Variants in ZBTB16 observed in about 807,000 individuals in gnomAD.
The protein encoded by ZBTB16 is zinc finger and BTB domain-containing protein 16.
A neutral mutation model predicts 56.8 loss-of-function variants in ZBTB16; 8 were observed. The observed-to-expected ratio is 0.14, with a 90% CI of 0.08 to 0.25. The LOEUF is 0.25. Ranked by LOEUF, ZBTB16 falls within the 10% of genes least tolerant of loss-of-function variation. The pLI, the probability that ZBTB16 is intolerant of heterozygous loss-of-function variation, is 1.00. For missense variants in ZBTB16, 625 were observed against 903.0 expected, an observed-to-expected ratio of 0.69 and a Z score of 3.95; for synonymous variants, 363 against 368.5, an observed-to-expected ratio of 0.98 and a Z score of 0.17.
At chr11:114,171,588 AG>A (rs1251485318) in intron 3 of ZBTB16, among the ~76,000 whole-genome samples, 1 of 152,196 alleles carries the variant, frequency 6.6e-6, no homozygotes, top group Non-Finnish European at 1.5e-5. Context: ...CCAAGGTGAC[AG>A]GAAGAGTCAT....
intron 2 of ZBTB16, among the ~76,000 whole-genome samples, chr11:114,124,790 C>T (rs554949620): frequency 1.3e-5 from 2 of 152,346 alleles, no homozygotes; most frequent in African/African-American, 4.8e-5. Flanking sequence ...CAGCCTCTCA[C>T]TTGCTCTCAT....
chr11:114,227,342 G>A (rs1480814891), intron 4 of ZBTB16, among the ~76,000 whole-genome samples: 1 of 152,206 alleles, frequency 6.6e-6, no homozygotes, highest in East Asian at 1.9e-4. Context: ...AGACAGGGGA[G>A]GATGTCATGC....
chr11:114,083,219 T>G (rs964596227), intron 2 of ZBTB16, among the ~76,000 whole-genome samples: 1 of 152,210 alleles, frequency 6.6e-6, no homozygotes, highest in African/African-American at 2.4e-5. Flanking sequence ...TTCTCTTTTC[T>G]TTGTCTTTTT....
chr11:114,106,253 C>T (rs938091702), intron 2 of ZBTB16, among the ~76,000 whole-genome samples: 2 of 152,150 alleles, frequency 1.3e-5, no homozygotes, highest in African/African-American at 4.8e-5. Flanking sequence ...AAAGAGACTA[C>T]TCATCCCTTC....
Position 114,060,495 on chromosome 11 carries a change from C to T in ZBTB16, c.-91+613C>T, listed in dbSNP as rs527865486. On this transcript the variant is annotated intron_variant, in intron 1 of 6. Coordinates refer to ENST00000335953, the MANE Select transcript of ZBTB16 (RefSeq NM_006006.6). The surrounding 1 kb of genome is among the most constrained non-coding windows in gnomAD (Gnocchi z 6.0). ...TTTTGCAGGGGAGGGAGGGAAGCTCCAGAGGGTCTGCAGCGCTGCGGGCCC... is the reference window on the plus strand; with the variant it reads ...TTTTGCAGGGGAGGGAGGGAAGCTCTAGAGGGTCTGCAGCGCTGCGGGCCC... 11 of 152,100 alleles carry T rather than the reference C, an allele frequency of 7.2e-5. No individual in the cohort carries two copies. The South Asian group carries it at 1.2e-3, about 17-fold the overall frequency. The allele number at this position is 152,100 out of a possible 1,614,324, so 9.4% of individuals were successfully genotyped here.
chr11:114,060,535 C>G lies in ZBTB16; in HGVS notation c.-91+653C>G, dbSNP rs186869677. ...GCTGCGGGCCCTCCTCGGCTCTCGG[C>G]GGGACCGGCGGTGACACCGGAGCTC... On this transcript the variant is annotated intron_variant, in intron 1 of 6. Transcript: ENST00000335953. The surrounding 1 kb of genome is among the most constrained non-coding windows in gnomAD (Gnocchi z 6.0). The G allele has an allele frequency of 6.6e-6, 1 of 152,060 alleles. No individual in the cohort carries two copies. The highest frequency in any genetic ancestry group is 1.5e-5 in the Non-Finnish European group (1 of 67,974). The allele number at this position is 152,060 out of a possible 1,614,324, so 9.4% of individuals were successfully genotyped here.
intron 4 of ZBTB16, among the ~76,000 whole-genome samples, chr11:114,192,697 G>T (rs959472059): frequency 6.6e-6 from 1 of 152,152 alleles, no homozygotes; most frequent in African/African-American, 2.4e-5. Flanking sequence ...ACCTGGCTAG[G>T]TTATTTTGCC....
intron 4 of ZBTB16, among the ~76,000 whole-genome samples, chr11:114,220,152 G>T (rs908692403): frequency 6.6e-6 from 1 of 152,218 alleles, no homozygotes; most frequent in South Asian, 2.1e-4. Flanking sequence ...TAATAGGCTG[G>T]TCATTCAGAT....
intron 4 of ZBTB16, among the ~76,000 whole-genome samples, chr11:114,235,632 T>C (rs1406388408): frequency 5.5e-5 from 1 of 18,346 alleles, no homozygotes; most frequent in Non-Finnish European, 1.8e-4. Context: ...CTCCCTTCCT[T>C]TCTTTCTTTC....
intron 6 of ZBTB16, among the ~76,000 whole-genome samples, chr11:114,248,604 G>C (rs894586738): frequency 6.6e-6 from 1 of 152,200 alleles, no homozygotes; most frequent in South Asian, 2.1e-4. Flanking sequence ...AAGGGGGAGA[G>C]GTGGCTTCAG....
chr11:114,250,573 T>G lies in ZBTB16; in HGVS notation c.*18T>G, dbSNP rs767542589. The G allele has an allele frequency of 6.2e-7, 1 of 1,611,316 alleles. No individual in the cohort carries two copies. The highest frequency in any genetic ancestry group is 8.5e-7 in the Non-Finnish European group (1 of 1,179,122). ...ATGTGTGAAGGGAGGCCCGCGGCGG[T>G]GGAGCCGAGCGGGGAGCCAGGAAAG... On this transcript the variant is annotated 3_prime_UTR_variant, in exon 7 of 7. Transcript: ENST00000335953. This position sits in a 1 kb window ranked among gnomAD's most constrained non-coding sequence, Gnocchi z 6.0.
At position 114,255,463 on chromosome 11, in the gene ZBTB16, C is replaced by T. The variant is rs1174697463; in HGVS notation, c.*4908C>T. Among the ~76,000 whole-genome samples, 2 of 151,408 alleles carry T rather than the reference C, an allele frequency of 1.3e-5. No individual in the cohort carries two copies. Among genetic ancestry groups the T allele is most frequent in the Non-Finnish European group, 2.9e-5 (2 of 67,948 alleles). ...CTCTCACCCTTGCCCTCTCCATCTC[C>T]CTCTCCCGCCCTCCCCTCCTCCCTC... On this transcript the variant is annotated 3_prime_UTR_variant, in exon 7 of 7. Coordinates refer to ENST00000335953, the MANE Select transcript of ZBTB16 (RefSeq NM_006006.6).
chr11:114,169,328 T>C (rs1942887256), intron 3 of ZBTB16, among the ~76,000 whole-genome samples: 1 of 152,198 alleles, frequency 6.6e-6, no homozygotes, highest in Non-Finnish European at 1.5e-5. Flanking sequence ...TTTCAGATTA[T>C]GTCCAGTGAA....
intron 2 of ZBTB16, among the ~76,000 whole-genome samples, chr11:114,066,575 G>A (rs959316792): frequency 2.0e-5 from 3 of 151,950 alleles, no homozygotes; most frequent in African/African-American, 2.4e-5. Context: ...TTCTTTACCC[G>A]AGAGGGCCAC....
At chr11:114,233,075 GCGCGCGCACACA>G (rs1208476394) in intron 4 of ZBTB16, among the ~76,000 whole-genome samples, 9 of 35,696 alleles carry the variant, frequency 2.5e-4, no homozygotes, top group Admixed American at 1.0e-3. Flanking sequence ...ATGCGCGCGC[GCGCGCGCACACA>G]CACACACACA....
intron 4 of ZBTB16, among the ~76,000 whole-genome samples, chr11:114,197,332 TCC>T (rs908317581): frequency 3.9e-5 from 6 of 152,206 alleles, no homozygotes; most frequent in African/African-American, 1.4e-4. Context: ...ACTCTGCCCT[TCC>T]CTTCTAGCAG....
chr11:114,201,498 C>T (rs1474676671), intron 4 of ZBTB16, among the ~76,000 whole-genome samples: 2 of 152,192 alleles, frequency 1.3e-5, no homozygotes, highest in Admixed American at 6.5e-5. Flanking sequence ...AAACCCTTGG[C>T]GTTTCATCCC....
chr11:114,236,768 A>G (rs971516922), intron 4 of ZBTB16, among the ~76,000 whole-genome samples: 2 of 152,190 alleles, frequency 1.3e-5, no homozygotes, highest in Non-Finnish European at 2.9e-5. Flanking sequence ...TGCCTACTCC[A>G]TATCAGGCTG....
chr11:114,197,808 A>G (rs1285631312), intron 4 of ZBTB16, among the ~76,000 whole-genome samples: 2 of 152,030 alleles, frequency 1.3e-5, no homozygotes, highest in African/African-American at 4.8e-5. Context: ...GTGAGCAGCA[A>G]CGCTCCTTCC....
Sources: gnomAD v4.1 joint callset for allele counts (sites outside exome capture counted in the v4.1 genomes callset) on GRCh38, gnomAD v4.1.1 for gene constraint, Gnocchi (gnomAD v3.1) non-coding constraint, MANE v1.5 for transcripts, NCBI Gene and HGNC (gene_info 2026-07-23, HGNC 2026-07-21) for gene names.